Variants in RAB27A observed in about 807,000 individuals in gnomAD.
The protein encoded by RAB27A is RAB27A, member RAS oncogene family.
RAB27A carries 17 observed loss-of-function variants against 20.8 expected under a neutral mutation model. The observed-to-expected ratio is 0.82, with a 90% CI of 0.56 to 1.23. The LOEUF (loss-of-function observed/expected upper bound fraction) is 1.23. Ranked by LOEUF, RAB27A falls within the 50% of genes most tolerant of loss-of-function variation. The probability of loss-of-function intolerance (pLI) is 0.00; values close to 1 mark genes in which losing one functional copy is unlikely to be tolerated. For synonymous variants in RAB27A, 85 were observed against 92.8 expected, an observed-to-expected ratio of 0.92 and a Z score of 0.48; for missense variants, 277 against 266.7, an observed-to-expected ratio of 1.04 and a Z score of -0.27.
At chr15:55,279,487 A>T (rs1392429922) in intron 1 of RAB27A, among the ~76,000 whole-genome samples, 1 of 152,228 alleles carries the variant, frequency 6.6e-6, no homozygotes, top group Non-Finnish European at 1.5e-5. Context: ...CAAGTTTGTA[A>T]GCCACTGTTC....
At chr15:55,262,545 G>A (rs79879276) in intron 2 of RAB27A, among the ~76,000 whole-genome samples, 195 of 141,424 alleles carry the variant, frequency 1.4e-3, no homozygotes, top group Non-Finnish European at 1.8e-3. Context: ...CTGACTCAAA[G>A]AAAAAAAAAA....
chr15:55,246,870 T>C (rs1896706903), intron 2 of RAB27A, among the ~76,000 whole-genome samples: 1 of 151,788 alleles, frequency 6.6e-6, no homozygotes, highest in Admixed American at 6.6e-5. Context: ...CACTGAGTGG[T>C]TGCTTTTTGT....
At chr15:55,252,892 T>C (rs1566921754) in intron 2 of RAB27A, among the ~76,000 whole-genome samples, 1 of 151,558 alleles carries the variant, frequency 6.6e-6, no homozygotes, top group African/African-American at 2.4e-5. Context: ...CCCAGCACTT[T>C]GGGAGGCCAA....
intron 2 of RAB27A, chr15:55,313,883 G>C (rs933572486): frequency 6.6e-6 from 1 of 152,428 alleles, no homozygotes. Context: ...TGAGGCAGGA[G>C]AATAGTGTGA....
chr15:55,309,407 G>A (rs1452467414), intron 2 of RAB27A, among the ~76,000 whole-genome samples: 1 of 152,208 alleles, frequency 6.6e-6, no homozygotes, highest in Non-Finnish European at 1.5e-5. Flanking sequence ...ATTTAAGAGC[G>A]CTTGGGTGGC....
intron 5 of RAB27A, among the ~76,000 whole-genome samples, chr15:55,225,807 A>AC (rs1174811432): frequency 6.6e-6 from 1 of 152,230 alleles, no homozygotes; most frequent in Non-Finnish European, 1.5e-5. Flanking sequence ...GAAAAAAGTC[A>AC]CCTACATAAA....
At chr15:55,226,927 A>G (rs759598578) in intron 5 of RAB27A, among the ~76,000 whole-genome samples, 5 of 152,066 alleles carry the variant, frequency 3.3e-5, no homozygotes, top group Non-Finnish European at 7.4e-5. Context: ...AAAGGCTGAC[A>G]GGAAGAAGAA....
chr15:55,287,145 C>G (rs1197876418), intron 1 of RAB27A, among the ~76,000 whole-genome samples: 1 of 151,930 alleles, frequency 6.6e-6, no homozygotes, highest in Non-Finnish European at 1.5e-5. Context: ...GTCTTGAACT[C>G]CTGACCTCAC....
chr15:55,243,231 T>C (rs1308106246), intron 2 of RAB27A, among the ~76,000 whole-genome samples: 1 of 152,182 alleles, frequency 6.6e-6, no homozygotes. Context: ...ACTTGTACCA[T>C]ATCCCATAAA....
chr15:55,280,877 T>C (rs1897999353), intron 1 of RAB27A, among the ~76,000 whole-genome samples: 1 of 152,214 alleles, frequency 6.6e-6, no homozygotes, highest in Non-Finnish European at 1.5e-5. Context: ...ATGGTGTATA[T>C]GTGCCACATT....
intron 1 of RAB27A, among the ~76,000 whole-genome samples, chr15:55,315,299 A>T (rs1418312419): frequency 6.6e-6 from 1 of 152,248 alleles, no homozygotes. Context: ...ACCTAAAACC[A>T]TAAAAAGTCT....
intron 2 of RAB27A, among the ~76,000 whole-genome samples, chr15:55,300,580 G>T (rs553060038): frequency 6.6e-6 from 1 of 152,144 alleles, no homozygotes; most frequent in African/African-American, 2.4e-5. Context: ...TCAGGAGGCT[G>T]AGGCAAGAGA....
intron 3 of RAB27A, 95 bp downstream of exon 3, chr15:55,234,687 A>T: frequency 1.5e-6 from 2 of 1,354,212 alleles, no homozygotes; most frequent in Non-Finnish European, 2.1e-6. Context: ...TCAGATCCCA[A>T]CCTTTGTCCT....
At chr15:55,247,787 G>A (rs1451730954) in intron 2 of RAB27A, among the ~76,000 whole-genome samples, 3 of 152,040 alleles carry the variant, frequency 2.0e-5, no homozygotes, top group Non-Finnish European at 2.9e-5. Flanking sequence ...GGGAAGAGAC[G>A]GGCGCATTTA....
chr15:55,267,615 C>T (rs1051161026), intron 2 of RAB27A, among the ~76,000 whole-genome samples: 1 of 152,170 alleles, frequency 6.6e-6, no homozygotes, highest in Non-Finnish European at 1.5e-5. Context: ...ATGGGCTTCA[C>T]ATGACTCATC....
chr15:55,210,474 T>C (rs1894972325), intron 6 of RAB27A, among the ~76,000 whole-genome samples: 1 of 150,450 alleles, frequency 6.6e-6, no homozygotes, highest in Admixed American at 6.6e-5. Context: ...TCATGTTAAC[T>C]GGATGAGAAG....
intron 2 of RAB27A, among the ~76,000 whole-genome samples, chr15:55,260,471 A>C (rs1007256741): frequency 2.0e-5 from 3 of 152,234 alleles, no homozygotes; most frequent in Non-Finnish European, 2.9e-5. Context: ...ATGTCCACAC[A>C]AAAACCTGCA....
chr15:55,286,268 T>C (rs541070957), intron 1 of RAB27A, among the ~76,000 whole-genome samples: 1 of 152,276 alleles, frequency 6.6e-6, no homozygotes. Flanking sequence ...TCTCTTTGAG[T>C]GCTTAATATA....
At chr15:55,309,133 T>C (rs2055009737) in intron 2 of RAB27A, among the ~76,000 whole-genome samples, 1 of 152,242 alleles carries the variant, frequency 6.6e-6, no homozygotes, top group South Asian at 2.1e-4. Context: ...GGGTATTGAC[T>C]TTCCAAGTTT....
Sources: gnomAD v4.1 joint callset for allele counts (sites outside exome capture counted in the v4.1 genomes callset) on GRCh38, gnomAD v4.1.1 for gene constraint, MANE v1.5 for transcripts, NCBI Gene and HGNC (gene_info 2026-07-23, HGNC 2026-07-21) for gene names.